RABGAP1: variants seen among roughly 807,000 people sequenced by gnomAD.
RABGAP1 encodes the protein RAB GTPase activating protein 1.
A neutral mutation model predicts 137.6 loss-of-function variants in RABGAP1; 23 were observed. The observed-to-expected ratio is 0.17, with a 90% CI of 0.12 to 0.24. The LOEUF is 0.24. Among genes scored for constraint, RABGAP1 ranks in the 10% least tolerant of loss-of-function variants. The probability of loss-of-function intolerance (pLI) is 1.00; values close to 1 mark genes in which losing one functional copy is unlikely to be tolerated. For missense variants in RABGAP1, 906 were observed against 1,275.8 expected, an observed-to-expected ratio of 0.71 and a Z score of 4.42; for synonymous variants, 451 against 450.7, an observed-to-expected ratio of 1.00 and a Z score of -0.01.
At chr9:123,022,437 T>G (rs2131938018) in intron 13 of RABGAP1, among the ~76,000 whole-genome samples, 1 of 152,318 alleles carries the variant, frequency 6.6e-6, no homozygotes, top group Admixed American at 6.5e-5. Context: ...AGTCTAGCTC[T>G]GTCACCCTGG....
intron 13 of RABGAP1, among the ~76,000 whole-genome samples, chr9:123,031,815 C>CT (rs1441188913): frequency 1.3e-5 from 2 of 152,162 alleles, no homozygotes; most frequent in Admixed American, 6.5e-5. Flanking sequence ...TACAGGACAT[C>CT]TTCCATCTAC....
intron 13 of RABGAP1, among the ~76,000 whole-genome samples, chr9:123,025,513 T>G (rs1217137864): frequency 6.6e-6 from 1 of 151,876 alleles, no homozygotes; most frequent in South Asian, 2.1e-4. Context: ...GAATGCAGTA[T>G]GTCTTTTTAT....
At chr9:122,997,414 G>A (rs1837085327) in intron 9 of RABGAP1, 53 bp downstream of exon 9, 1 of 1,321,418 alleles carries the variant, frequency 7.6e-7, no homozygotes. Context: ...AAGAAGAGAT[G>A]CAAAACTAAG....
chr9:123,045,505 T>G (rs768745400), intron 13 of RABGAP1, among the ~76,000 whole-genome samples: 1 of 152,228 alleles, frequency 6.6e-6, no homozygotes, highest in South Asian at 2.1e-4. Context: ...ATACTGAGGA[T>G]GTGTATTGTA....
intron 1 of RABGAP1, among the ~76,000 whole-genome samples, chr9:122,950,227 A>G (rs754381207): frequency 7.2e-5 from 11 of 152,170 alleles, no homozygotes; most frequent in Non-Finnish European, 1.0e-4. Flanking sequence ...AGAGAATAAA[A>G]TACAAGTCAA....
intron 11 of RABGAP1, among the ~76,000 whole-genome samples, chr9:123,014,947 G>A (rs182820480): frequency 6.6e-6 from 1 of 152,134 alleles, no homozygotes; most frequent in Non-Finnish European, 1.5e-5. Context: ...CATGAGAACA[G>A]CATGGGGGAA....
intron 11 of RABGAP1, among the ~76,000 whole-genome samples, chr9:123,015,318 A>G (rs145798039): frequency 0.012 from 1,730 of 142,240 alleles, 22 homozygotes; most frequent in Non-Finnish European, 0.019. Context: ...TGCAATTGAC[A>G]TAATTATGGA....
intron 25 of RABGAP1, 39 bp from the exon 26 acceptor site, chr9:123,103,052 C>T: frequency 6.2e-7 from 1 of 1,603,306 alleles, no homozygotes; most frequent in Non-Finnish European, 8.5e-7. Context: ...GTCATTGACA[C>T]CAAGCCCAGC....
At chr9:122,971,826 G>A (rs891653599) in intron 2 of RABGAP1, 5 of 152,112 alleles carry the variant, frequency 3.3e-5, no homozygotes, top group African/African-American at 1.2e-4. Context: ...AAGATGAGAA[G>A]GACCAACCAT....
At chr9:123,007,868 T>C (rs928251040) in intron 10 of RABGAP1, among the ~76,000 whole-genome samples, 4 of 149,320 alleles carry the variant, frequency 2.7e-5, no homozygotes, top group African/African-American at 9.7e-5. Context: ...AACATATATT[T>C]CATAAATATA....
chr9:122,934,784 C>T, the RABGAP1 span, among the ~76,000 whole-genome samples: 7 of 152,094 alleles, frequency 4.6e-5, no homozygotes, highest in African/African-American at 1.4e-4. Context: ...TGGGTTGAAG[C>T]GATTCTCTTT....
At chr9:123,034,703 A>G (rs765838132) in intron 13 of RABGAP1, 2 of 1,613,598 alleles carry the variant, frequency 1.2e-6, no homozygotes, top group East Asian at 2.2e-5. Context: ...ATTTCTGGCA[A>G]CATCATTGTG....
chr9:122,988,495 C>A (rs1836482798), intron 4 of RABGAP1, among the ~76,000 whole-genome samples: 2 of 95,032 alleles, frequency 2.1e-5, no homozygotes, highest in Non-Finnish European at 4.7e-5. Flanking sequence ...TGCTTTTATT[C>A]ATGATTTTTT....
chr9:123,100,383 A>G lies in RABGAP1; in HGVS notation c.2889+834A>G, dbSNP rs540679832. 4.8e-3 allele frequency among the ~76,000 whole-genome samples: 656 copies of G among 136,574 alleles called. 7 individuals carry two copies. The highest frequency in any genetic ancestry group is 7.5e-3 in the South Asian group (30 of 4,006). 89.6% of individuals were successfully genotyped at this position (136,574 alleles called of 152,430 possible). ...TTCGTCATAATTAATGTTTAACCAG[A>G]TGTGTGTGTGTGTGTGTGTGTGTGT... On this transcript the variant is annotated intron_variant, in intron 24 of 25. Coordinates refer to ENST00000373647, the MANE Select transcript of RABGAP1 (RefSeq NM_012197.4).
intron 14 of RABGAP1, among the ~76,000 whole-genome samples, chr9:123,066,294 A>G (rs1164823432): frequency 1.3e-5 from 2 of 152,208 alleles, no homozygotes; most frequent in Non-Finnish European, 2.9e-5. Context: ...CATAGGATAC[A>G]GATTTCTGTG....
At chr9:122,952,098 A>G (rs1834283199) in intron 1 of RABGAP1, among the ~76,000 whole-genome samples, 1 of 152,096 alleles carries the variant, frequency 6.6e-6, no homozygotes, top group African/African-American at 2.4e-5. Flanking sequence ...GCATAATTGA[A>G]CTTTTAGGTG....
At chr9:122,960,660 T>A (rs1291014631) in intron 2 of RABGAP1, among the ~76,000 whole-genome samples, 1 of 152,146 alleles carries the variant, frequency 6.6e-6, no homozygotes, top group Admixed American at 6.6e-5. Context: ...GACATCCCGT[T>A]AAAAAAGCAA....
chr9:122,963,450 G>A (rs1403368328), intron 2 of RABGAP1, among the ~76,000 whole-genome samples: 1 of 151,836 alleles, frequency 6.6e-6, no homozygotes, highest in African/African-American at 2.4e-5. Flanking sequence ...ATAAGGGCAG[G>A]AAACTAGAAA....
intron 10 of RABGAP1, among the ~76,000 whole-genome samples, chr9:123,004,537 C>G (rs1303862626): frequency 5.9e-5 from 9 of 152,020 alleles, no homozygotes; most frequent in African/African-American, 2.2e-4. Flanking sequence ...CCCACCTCAG[C>G]CTCCCAAAGT....
Sources: allele counts gnomAD v4.1 joint callset (sites outside exome capture counted in the v4.1 genomes callset), GRCh38; gene constraint gnomAD v4.1.1; transcripts MANE v1.5; gene names NCBI Gene and HGNC (gene_info 2026-07-23, HGNC 2026-07-21).